Variants in NFASC observed in about 807,000 individuals in gnomAD.
NFASC encodes the protein neurofascin homolog.
A neutral mutation model predicts 147.5 loss-of-function variants in NFASC; 43 were observed. The observed-to-expected ratio is 0.29, with a 90% CI of 0.23 to 0.38. The LOEUF is 0.38. NFASC is among the 10% of genes least tolerant of loss of function. The pLI, the probability that NFASC is intolerant of heterozygous loss-of-function variation, is 1.00. For missense variants in NFASC, 1,320 were observed against 1,689.0 expected (o/e 0.78, Z 3.83); for synonymous variants, 622 against 665.5 (o/e 0.93, Z 1.01).
At chr1:205,000,877 T>C in intron 25 of NFASC, 1 of 468,972 alleles carries the variant, frequency 2.1e-6, no homozygotes, top group Admixed American at 3.7e-5. Flanking sequence ...TAACGCTACC[T>C]ATGTGGACAC....
chr1:204,920,740 G>C lies in NFASC; in HGVS notation c.-91G>C. On this transcript the variant is annotated splice_region_variant and 5_prime_UTR_variant, in exon 2 of 30. Transcript: ENST00000339876. ...GGAAGAGGCTGAATGAGGCAGAGAA[G>C]GTAAGCAGGACTTGGGCCTGGGGTA... is the stretch of plus-strand genomic sequence containing the variant. 7.8e-7 allele frequency: 1 copy of C among 1,281,212 alleles called. No individual in the cohort carries two copies. The highest frequency in any genetic ancestry group is 1.2e-5 in the South Asian group (1 of 80,836). 79.4% of individuals were successfully genotyped at this position (1,281,212 alleles called of 1,614,324 possible). A position where few individuals can be genotyped will look rare whatever the true frequency, so the allele number is the denominator to read the frequency against.
At chr1:204,962,247 C>A in intron 8 of NFASC, 2 of 1,162,190 alleles carry the variant, frequency 1.7e-6, no homozygotes, top group Admixed American at 1.8e-5. Flanking sequence ...TTAACTCCTG[C>A]TGGGTGGCAG....
Position 204,989,058 on chromosome 1 carries a change from G to C in NFASC, c.2767+252G>C, listed in dbSNP as rs909306729. On this transcript the variant is annotated intron_variant, in intron 23 of 29. Transcript: ENST00000339876. ...CTTGCCCTGACTTGCTCAGTCACTT[G>C]ACATCTATCATCTTTCCTTCTTGTA... is the stretch of plus-strand genomic sequence containing the variant. 2.4e-5 allele frequency: 13 copies of C among 547,414 alleles called. No homozygotes were observed. In the East Asian group the frequency reaches 2.8e-4, roughly 12 times the overall value. The allele number at this position is 547,414 out of a possible 1,614,324, so 33.9% of individuals were successfully genotyped here.
In NFASC at chr1:204,987,295, A is replaced by T; in HGVS notation, c.2471-123A>T. 1 of 880,274 alleles carries T rather than the reference A, an allele frequency of 1.1e-6. No homozygotes were observed. The highest frequency in any genetic ancestry group is 1.7e-5 in the South Asian group (1 of 60,514). The allele number at this position is 880,274 out of a possible 1,614,324, so 54.5% of individuals were successfully genotyped here. Reference sequence around the variant, plus strand: ...CGGTTCTCCCAGGCTTCAGTTTAGCAGTGTCGAGCATGGGGGTTGTCCAGA... The same window carrying T: ...CGGTTCTCCCAGGCTTCAGTTTAGCTGTGTCGAGCATGGGGGTTGTCCAGA... On this transcript the variant is annotated intron_variant, in intron 21 of 29. Coordinates refer to ENST00000339876, the MANE Select transcript of NFASC (RefSeq NM_001005388.3). This position sits in a 1 kb window ranked among gnomAD's most constrained non-coding sequence, Gnocchi z 4.4.
chr1:205,012,320 C>T (rs1360180248), intron 28 of NFASC, among the ~76,000 whole-genome samples: 2 of 152,218 alleles, frequency 1.3e-5, no homozygotes, highest in Non-Finnish European at 2.9e-5. Context: ...GTCTTCTCTG[C>T]TCAGGGCACT....
At chr1:204,927,415 A>G (rs1295610774) in intron 2 of NFASC, among the ~76,000 whole-genome samples, 1 of 152,182 alleles carries the variant, frequency 6.6e-6, no homozygotes, top group Non-Finnish European at 1.5e-5. Flanking sequence ...TTATGGCTGA[A>G]TGATATTCCT....
intron 1 of NFASC, among the ~76,000 whole-genome samples, chr1:204,914,078 A>G (rs2088495063): frequency 6.6e-6 from 1 of 152,168 alleles, no homozygotes; most frequent in Non-Finnish European, 1.5e-5. Flanking sequence ...TAAAGTCAGG[A>G]AAAAAAATAA....
rs758741724 is a variant in NFASC, at chr1:205,016,108, T to C, written c.3492-200T>C. 2.6e-5 allele frequency among the ~76,000 whole-genome samples: 4 copies of C among 152,126 alleles called. No individual in the cohort carries two copies. The highest frequency in any genetic ancestry group is 5.9e-5 in the Non-Finnish European group (4 of 68,014). ...CCCTGCCCTGCCCTGACCTGCAACC[T>C]CACCTTAGAGAAGGTGCTTGTCCTC... On this transcript the variant is annotated intron_variant, in intron 29 of 29. Transcript: ENST00000339876. This position sits in a 1 kb window ranked among gnomAD's most constrained non-coding sequence, Gnocchi z 5.1.
chr1:204,985,822 A>T, intron 21 of NFASC: 1 of 828,018 alleles, frequency 1.2e-6, no homozygotes, highest in Non-Finnish European at 2.0e-6. Context: ...TGTAGCAAGC[A>T]AAGGAAAGAC....
At chr1:204,873,837 G>A (rs556318861) in intron 1 of NFASC, among the ~76,000 whole-genome samples, 2 of 152,164 alleles carry the variant, frequency 1.3e-5, no homozygotes, top group Non-Finnish European at 2.9e-5. Context: ...GCAGTCTCAG[G>A]AGAATGTTCT....
At chr1:204,839,368 A>AAC (rs55784616) in intron 1 of NFASC, among the ~76,000 whole-genome samples, 4,027 of 135,076 alleles carry the variant, frequency 0.03, 60 homozygotes, top group Non-Finnish European at 0.033. Context: ...GCACGTATGA[A>AAC]ACACACACAC....
intron 1 of NFASC, among the ~76,000 whole-genome samples, chr1:204,834,289 T>C (rs1673063098): frequency 6.6e-6 from 1 of 152,216 alleles, no homozygotes; most frequent in Non-Finnish European, 1.5e-5. Context: ...TTTCTTTCTC[T>C]GTAAAATTAC....
At position 204,957,829 on chromosome 1, in the gene NFASC, A is replaced by G; in HGVS notation, c.706+3A>G. 7 of 1,614,058 alleles carry G rather than the reference A, an allele frequency of 4.3e-6. No individual in the cohort carries two copies. The highest frequency in any genetic ancestry group is 2.2e-5 in the South Asian group (2 of 91,076). ...TTTCACCCTCAAGGTCCTCACCAGTAAGTGAAGGCCCCTGTCCCGGGGCTG... is the reference window on the plus strand; with the variant it reads ...TTTCACCCTCAAGGTCCTCACCAGTGAGTGAAGGCCCCTGTCCCGGGGCTG... On this transcript the variant is annotated splice_donor_region_variant and intron_variant, in intron 8 of 29. Coordinates refer to ENST00000339876, the MANE Select transcript of NFASC (RefSeq NM_001005388.3).
intron 26 of NFASC, 70 bp downstream of exon 26, chr1:205,001,356 C>A: frequency 1.1e-6 from 1 of 939,262 alleles, no homozygotes; most frequent in Non-Finnish European, 1.7e-6. Flanking sequence ...GTGGTAGATG[C>A]CATTAAAGAG....
rs1211845565 is a variant in NFASC at position 205,016,284 on chromosome 1, G to T, written c.3492-24G>T. 1 of 1,555,148 alleles carries T rather than the reference G, an allele frequency of 6.4e-7. No homozygotes were observed. Among genetic ancestry groups the T allele is most frequent in the Non-Finnish European group, 8.9e-7 (1 of 1,126,634 alleles). On this transcript the variant is annotated intron_variant, in intron 29 of 29. Transcript: ENST00000339876. The surrounding 1 kb of genome is among the most constrained non-coding windows in gnomAD (Gnocchi z 5.1). ...AGCTGCCCCATCTCACCCCACCTGA[G>T]ATTCTCTGTCTCTCTTTGGCCAGTG... is the stretch of plus-strand genomic sequence containing the variant.
rs1284645198 is a variant in NFASC, at chr1:204,939,056, G to A, written c.-90-5170G>A. 1.1e-4 allele frequency among the ~76,000 whole-genome samples: 17 copies of A among 151,138 alleles called. No individual in the cohort carries two copies. The South Asian group carries it at 1.3e-3, about 11-fold the overall frequency. On this transcript the variant is annotated intron_variant, in intron 2 of 29. Coordinates refer to ENST00000339876, the MANE Select transcript of NFASC (RefSeq NM_001005388.3). ...TGGATGGATGTGTGTGTGTGTGTGT[G>A]TGTGTGTGTGTGTGTGTGTGTGTGT...
chr1:204,943,592 A>T (rs765231396), intron 2 of NFASC, among the ~76,000 whole-genome samples: 1 of 152,236 alleles, frequency 6.6e-6, no homozygotes, highest in Non-Finnish European at 1.5e-5. Context: ...AATGACAAAA[A>T]GTCCTTTGTG....
chr1:204,928,243 A>C (rs2091941997), intron 2 of NFASC, among the ~76,000 whole-genome samples: 1 of 152,158 alleles, frequency 6.6e-6, no homozygotes, highest in South Asian at 2.1e-4. Context: ...TACCGACTAC[A>C]TTTGAGCATC....
chr1:204,876,698 A>G (rs1221373146), intron 1 of NFASC, among the ~76,000 whole-genome samples: 1 of 152,012 alleles, frequency 6.6e-6, no homozygotes, highest in Non-Finnish European at 1.5e-5. Context: ...GGAATCATAC[A>G]GTATTTGTGC....
Sources: gnomAD v4.1 joint callset for allele counts (sites outside exome capture counted in the v4.1 genomes callset) on GRCh38, gnomAD v4.1.1 for gene constraint, Gnocchi (gnomAD v3.1) non-coding constraint, MANE v1.5 for transcripts, NCBI Gene and HGNC (gene_info 2026-07-23, HGNC 2026-07-21) for gene names.